ROBO2: variants seen among roughly 807,000 people sequenced by gnomAD.
ROBO2 encodes the protein roundabout guidance receptor 2.
A neutral mutation model predicts 160.8 loss-of-function variants in ROBO2; 53 were observed. That is an observed-to-expected ratio of 0.33 (90% CI 0.26 to 0.41). The LOEUF (loss-of-function observed/expected upper bound fraction) is 0.41, where lower values mean the gene tolerates loss of function less well. Ranked by LOEUF, ROBO2 falls within the 10% of genes least tolerant of loss-of-function variation. ROBO2 has a pLI of 1.00. For missense variants in ROBO2, 1,577 were observed against 1,722.4 expected, an observed-to-expected ratio of 0.92 and a Z score of 1.49; for synonymous variants, 664 against 611.7, an observed-to-expected ratio of 1.09 and a Z score of -1.26.
intron 2 of ROBO2, among the ~76,000 whole-genome samples, chr3:77,314,399 G>T (rs575912164): frequency 6.6e-6 from 1 of 152,226 alleles, no homozygotes; most frequent in East Asian, 1.9e-4. Flanking sequence ...TTTAAGCAGA[G>T]TTATCTTTTA....
At chr3:76,101,276 A>T (rs2069672339) in intron 2 of ROBO2, among the ~76,000 whole-genome samples, 1 of 152,172 alleles carries the variant, frequency 6.6e-6, no homozygotes, top group South Asian at 2.1e-4. Flanking sequence ...GTTGTGAAAA[A>T]AATTGAGATA....
intron 2 of ROBO2, among the ~76,000 whole-genome samples, chr3:76,052,488 G>T (rs899922836): frequency 2.0e-5 from 3 of 148,638 alleles, no homozygotes; most frequent in South Asian, 2.1e-4. Flanking sequence ...CTGTCCTTGA[G>T]ATTTTTTTTT....
intron 2 of ROBO2, among the ~76,000 whole-genome samples, chr3:76,492,282 A>T (rs2079872724): frequency 6.6e-6 from 1 of 152,180 alleles, no homozygotes; most frequent in African/African-American, 2.4e-5. Context: ...AATATTTGTT[A>T]TTGAGAATAG....
chr3:77,479,655 C>T (rs2084444318), intron 3 of ROBO2, among the ~76,000 whole-genome samples: 3 of 151,878 alleles, frequency 2.0e-5, no homozygotes, highest in South Asian at 2.1e-4. Context: ...GCTTGGGTAC[C>T]AAATTTATGA....
intron 2 of ROBO2, among the ~76,000 whole-genome samples, chr3:77,266,060 C>G (rs2059102081): frequency 6.6e-6 from 1 of 152,088 alleles, no homozygotes; most frequent in Admixed American, 6.6e-5. Context: ...GATTACCTAA[C>G]CCAGTCTTGT....
chr3:77,421,146 T>A (rs1459637288), intron 2 of ROBO2, among the ~76,000 whole-genome samples: 1 of 152,164 alleles, frequency 6.6e-6, no homozygotes, highest in Admixed American at 6.5e-5. Context: ...AATCCTTCTG[T>A]GCCTTAGGTT....
chr3:76,091,143 A>G (rs1394752236), intron 2 of ROBO2, among the ~76,000 whole-genome samples: 1 of 152,166 alleles, frequency 6.6e-6, no homozygotes, highest in East Asian at 1.9e-4. Context: ...GCCACCATGA[A>G]GAGGAGAAGA....
intron 2 of ROBO2, among the ~76,000 whole-genome samples, chr3:77,279,209 A>G (rs1441873442): frequency 6.6e-6 from 1 of 152,046 alleles, no homozygotes; most frequent in Non-Finnish European, 1.5e-5. Context: ...AAACGCCTAA[A>G]TTTTTAGAAT....
At chr3:77,564,329 C>G (rs2093419569) in intron 11 of ROBO2, 9 of 358,570 alleles carry the variant, frequency 2.5e-5, no homozygotes, top group South Asian at 1.9e-4. Flanking sequence ...TCCTCACACA[C>G]AAATTCAGAG....
At chr3:76,169,929 C>T (rs9864229) in intron 2 of ROBO2, among the ~76,000 whole-genome samples, 6,992 of 151,952 alleles carry the variant, frequency 0.046, 370 homozygotes, top group East Asian at 0.22. Flanking sequence ...TACAGGCGCC[C>T]GCCACCATGC....
At chr3:76,390,486 T>C (rs1310152799) in intron 2 of ROBO2, among the ~76,000 whole-genome samples, 2 of 152,154 alleles carry the variant, frequency 1.3e-5, no homozygotes, top group Admixed American at 1.3e-4. Context: ...TATTACTTAA[T>C]ACAAGATAAT....
At chr3:77,389,205 A>G (rs2074447861) in intron 2 of ROBO2, among the ~76,000 whole-genome samples, 1 of 152,194 alleles carries the variant, frequency 6.6e-6, no homozygotes, top group Admixed American at 6.6e-5. Context: ...TGGCCTCCCA[A>G]AGTGCTGGGA....
At chr3:76,559,441 AT>A (rs2084017653) in intron 2 of ROBO2, among the ~76,000 whole-genome samples, 1 of 152,100 alleles carries the variant, frequency 6.6e-6, no homozygotes, top group African/African-American at 2.4e-5. Flanking sequence ...ATTTCAACCA[AT>A]GTTTGAAAAT....
intron 2 of ROBO2, among the ~76,000 whole-genome samples, chr3:76,034,614 A>T (rs186796640): frequency 2.1e-4 from 31 of 150,762 alleles, no homozygotes; most frequent in African/African-American, 7.2e-4. Context: ...TTTATTTTGC[A>T]GTTAAATTAT....
chr3:76,272,791 TA>T (rs1707549583), intron 2 of ROBO2, among the ~76,000 whole-genome samples: 3 of 15,840 alleles, frequency 1.9e-4, no homozygotes, highest in South Asian at 5.4e-3. Context: ...ATATATAAAA[TA>T]TATATATATA....
intron 2 of ROBO2, among the ~76,000 whole-genome samples, chr3:76,497,931 C>A (rs925390789): frequency 6.6e-6 from 1 of 152,216 alleles, no homozygotes; most frequent in Non-Finnish European, 1.5e-5. Flanking sequence ...ACTTTCCAGC[C>A]TCTGCAATCA....
intron 2 of ROBO2, among the ~76,000 whole-genome samples, chr3:75,960,150 G>T: frequency 6.6e-6 from 1 of 151,704 alleles, no homozygotes; most frequent in East Asian, 2.0e-4. Context: ...GTTTGGGTGA[G>T]GGGGATTAAA....
chr3:76,506,095 C>T (rs2107693105), intron 2 of ROBO2, among the ~76,000 whole-genome samples: 1 of 152,316 alleles, frequency 6.6e-6, no homozygotes, highest in South Asian at 2.1e-4. Context: ...TGAAACAGCT[C>T]TGCCAGCGTC....
rs1441762918 is a variant in ROBO2, at chr3:76,435,482, A to G, written c.109+497880A>G. On this transcript the variant is annotated intron_variant, in intron 2 of 26. Coordinates refer to the ROBO2 transcript ENST00000487694. ...CCTTCACACCGTGGGATAAATCTGTATCAAGATGGTTCTTTTCGCGATTTC... is the reference window on the plus strand; with the variant it reads ...CCTTCACACCGTGGGATAAATCTGTGTCAAGATGGTTCTTTTCGCGATTTC... 7.1e-6 allele frequency: 5 copies of G among 703,098 alleles called. No individual in the cohort carries two copies. The African/African-American group carries it at 8.8e-5, about 12-fold the overall frequency. 43.6% of individuals were successfully genotyped at this position (703,098 alleles called of 1,614,324 possible). A position where few individuals can be genotyped will look rare whatever the true frequency, so the allele number is the denominator to read the frequency against.
Sources: allele counts gnomAD v4.1 joint callset (sites outside exome capture counted in the v4.1 genomes callset), GRCh38; gene constraint gnomAD v4.1.1; transcripts MANE v1.5; gene names NCBI Gene and HGNC (gene_info 2026-07-23, HGNC 2026-07-21).